The following ZFAND4 variants were observed in gnomAD, a reference collection of about 807,000 sequenced individuals.
The protein encoded by ZFAND4 is AN1-type zinc finger protein 4.
A neutral mutation model predicts 64.4 loss-of-function variants in ZFAND4; 43 were observed. That is an observed-to-expected ratio of 0.67 (90% CI 0.52 to 0.86). ZFAND4 has a LOEUF of 0.86. Ranked by LOEUF, ZFAND4 falls within the 40% of genes least tolerant of loss-of-function variation. ZFAND4 has a pLI of 0.00. For synonymous variants in ZFAND4, 296 were observed against 305.7 expected (o/e 0.97, Z 0.33); for missense variants, 929 against 859.8 (o/e 1.08, Z -1.01).
chr10:45,635,859 T>G (rs1012538665), intron 6 of ZFAND4, among the ~76,000 whole-genome samples: 1 of 152,202 alleles, frequency 6.6e-6, no homozygotes, highest in Non-Finnish European at 1.5e-5. Flanking sequence ...CTTAAGATGG[T>G]TAAGATAATT....
Position 45,627,052 on chromosome 10 carries a change from AG to A in ZFAND4, c.770del (p.Ser257LeufsTer13). 6.3e-7 allele frequency: 1 copy of A among 1,590,272 alleles called. No individual in the cohort carries two copies. Among genetic ancestry groups the A allele is most frequent in the Non-Finnish European group, 8.6e-7 (1 of 1,167,128 alleles). On this transcript the variant is annotated frameshift_variant, in exon 7 of 10. Coordinates refer to ENST00000344646, the MANE Select transcript of ZFAND4 (RefSeq NM_174890.4). LOFTEE classifies it high-confidence loss of function. ...KPHPPVAPRP[S>X]SGSTAPSRHR... is the part of the protein sequence containing the mutation. ...GGCGAGATGGTGCAGTGGAACCACT[AG>A]AAGGTCGAGGAGCTACAGGTGGGTG...
Position 45,639,669 on chromosome 10 carries a change from C to T in ZFAND4, c.717+147G>A, listed in dbSNP as rs546316087. The T allele has an allele frequency of 2.0e-4, 201 of 983,966 alleles. No homozygotes were observed. In the African/African-American group the frequency reaches 3.0e-3, roughly 15 times the overall value. 61.0% of individuals were successfully genotyped at this position (983,966 alleles called of 1,614,324 possible). ...CTAATCCAAAAAATCCAATTTATCC[C>T]TTTTAGAAGTTTAATAAATAACTGA... On this transcript the variant is annotated intron_variant, in intron 6 of 9. Transcript: ENST00000344646.
chr10:45,639,860 T>C lies in ZFAND4; in HGVS notation c.673A>G (p.Lys225Glu). The C allele has an allele frequency of 6.2e-7, 1 of 1,613,030 alleles. No individual in the cohort carries two copies. Among genetic ancestry groups the C allele is most frequent in the Non-Finnish European group, 8.5e-7 (1 of 1,179,784 alleles). ...IENSITMNKM[K>E]LLKAKMKNMN... is the part of the protein sequence containing the mutation. ...TTCTTCATCTTAGCCTTCAGCAGCTTCATCTTATTCATAGTTATTGAATTT... is the reference window on the plus strand; with the variant it reads ...TTCTTCATCTTAGCCTTCAGCAGCTCCATCTTATTCATAGTTATTGAATTT... The change falls in exon 6 of 10, where the codon AAG becomes GAG. Residue 225 changes from lysine to glutamate, a missense_variant. Coordinates refer to ENST00000344646, the MANE Select transcript of ZFAND4 (RefSeq NM_174890.4).
At position 45,618,129 on chromosome 10, in the gene ZFAND4, C is replaced by T. The variant is rs1028777985; in HGVS notation, c.2048+11G>A. 6 of 1,603,178 alleles carry T rather than the reference C, an allele frequency of 3.7e-6. No homozygotes were observed. The highest frequency in any genetic ancestry group is 1.7e-4 in the Middle Eastern group (1 of 6,056). Reference sequence around the variant, plus strand: ...AGAAAGCATCTGAGCTTCTCCAGCTCGCCAACCTGCCTGCATTCGTAGCTA... The same window carrying T: ...AGAAAGCATCTGAGCTTCTCCAGCTTGCCAACCTGCCTGCATTCGTAGCTA... On this transcript the variant is annotated intron_variant, in intron 9 of 9. Transcript: ENST00000344646.
intron 1 of ZFAND4, among the ~76,000 whole-genome samples, chr10:45,668,878 C>G (rs911246988): frequency 6.6e-6 from 1 of 152,200 alleles, no homozygotes; most frequent in Non-Finnish European, 1.5e-5. Flanking sequence ...GCACCAGAAT[C>G]TCTGGGACAC....
At chr10:45,624,184 C>G (rs933765640) in intron 8 of ZFAND4, among the ~76,000 whole-genome samples, 9 of 152,108 alleles carry the variant, frequency 5.9e-5, no homozygotes, top group African/African-American at 2.2e-4. Context: ...ACTAGTTCAT[C>G]AAAAAGAGAT....
chr10:45,639,551 G>C (rs1380290258), intron 6 of ZFAND4, among the ~76,000 whole-genome samples: 1 of 152,160 alleles, frequency 6.6e-6, no homozygotes, highest in African/African-American at 2.4e-5. Context: ...ATTATTGCCA[G>C]ATTAAGATTA....
rs2133856496 is a variant in ZFAND4 at position 45,663,624 on chromosome 10, T to C, written c.102A>G (p.Thr34=). The change falls in exon 2 of 10, where the codon ACA becomes ACG. Residue 34 remains threonine, a synonymous_variant. Coordinates refer to ENST00000344646, the MANE Select transcript of ZFAND4 (RefSeq NM_174890.4). ...TCAGCTCAAAACATGTTCCAGTTAA[T>C]GTTTCAATGAAGAGCTCCATGGTAT... ...FCDTMELFIE[T]LTGTCFELRV... The C allele has an allele frequency of 1.2e-6, 2 of 1,611,676 alleles. No individual in the cohort carries two copies. The highest frequency in any genetic ancestry group is 4.5e-5 in the East Asian group (2 of 44,720).
At chr10:45,640,012 T>C (rs1167947999) in intron 5 of ZFAND4, 49 bp from the exon 6 acceptor site, 1 of 1,558,078 alleles carries the variant, frequency 6.4e-7, no homozygotes, top group Admixed American at 2.0e-5. Flanking sequence ...ACCTGCTCAG[T>C]GACTAAAAAT....
intron 1 of ZFAND4, among the ~76,000 whole-genome samples, chr10:45,671,287 C>A (rs1042355728): frequency 2.6e-5 from 4 of 152,188 alleles, no homozygotes; most frequent in African/African-American, 9.7e-5. Context: ...CCTCAAGGAT[C>A]TAGAACTAGA....
chr10:45,660,140 C>T (rs1415388175), intron 2 of ZFAND4, among the ~76,000 whole-genome samples: 8 of 137,704 alleles, frequency 5.8e-5, no homozygotes, highest in Admixed American at 4.1e-4. Context: ...TCAGCATGGG[C>T]GACAGAGCGA....
At chr10:45,671,381 G>C (rs538107229) in intron 1 of ZFAND4, among the ~76,000 whole-genome samples, 3 of 152,174 alleles carry the variant, frequency 2.0e-5, no homozygotes, top group African/African-American at 7.2e-5. Flanking sequence ...ACATGCACAC[G>C]TATGTTTACT....
At chr10:45,631,174 T>C (rs140706504) in intron 6 of ZFAND4, among the ~76,000 whole-genome samples, 9,028 of 151,018 alleles carry the variant, frequency 0.06, 396 homozygotes, top group African/African-American at 0.12. Flanking sequence ...AAAAATTAGC[T>C]GGGTGTGGTG....
At chr10:45,653,848 T>C (rs1258724785) in intron 2 of ZFAND4, among the ~76,000 whole-genome samples, 2 of 152,012 alleles carry the variant, frequency 1.3e-5, no homozygotes, top group African/African-American at 2.4e-5. Context: ...AATCACTCTA[T>C]CAAAAAGACA....
chr10:45,621,394 A>G (rs1214491223), intron 8 of ZFAND4, among the ~76,000 whole-genome samples: 2 of 151,202 alleles, frequency 1.3e-5, no homozygotes, highest in Admixed American at 1.3e-4. Flanking sequence ...AAAAAAGCAT[A>G]TATCTGGGGA....
At position 45,626,700 on chromosome 10, in the gene ZFAND4, G is replaced by C; in HGVS notation, c.1123C>G (p.Pro375Ala). ...AAGACAATGTTCCCATTACTAGATG[G>C]CAAGTTTCCTAAAAAATGTTTTGTT... ...RQTKHFLGNL[P>A]SSNGNIVLPS... Residue 375 changes from proline (P) to alanine (A), a missense_variant, in exon 7 of 10, where the codon CCA becomes GCA. Coordinates refer to ENST00000344646, the MANE Select transcript of ZFAND4 (RefSeq NM_174890.4). The C allele has an allele frequency of 6.2e-7, 1 of 1,614,198 alleles. No homozygotes were observed. Among genetic ancestry groups the C allele is most frequent in the Non-Finnish European group, 8.5e-7 (1 of 1,180,034 alleles).
chr10:45,663,598 C>G lies in ZFAND4; in HGVS notation c.128G>C (p.Arg43Thr), dbSNP rs778222723. The change falls in exon 2 of 10, where the codon AGA becomes ACA. Residue 43 changes from arginine (R) to threonine (T), a missense_variant. Arg to Thr is a moderately conservative substitution (Grantham distance 71, BLOSUM62 -1). Transcript: ENST00000344646. ...AATAACAGTTTCAAAAGGTGAAACT[C>G]TCAGCTCAAAACATGTTCCAGTTAA... ...ETLTGTCFELRVSPFETVISV... is the reference protein window; with the variant it reads ...ETLTGTCFELTVSPFETVISV... The G allele has an allele frequency of 3.7e-6, 6 of 1,609,400 alleles. No individual in the cohort carries two copies. In the Admixed American group the frequency reaches 8.5e-5, roughly 23 times the overall value.
At position 45,629,541 on chromosome 10, in the gene ZFAND4, T is replaced by C. The variant is rs138201506; in HGVS notation, c.718-2436A>G. Among the ~76,000 whole-genome samples the C allele has an allele frequency of 2.4e-3, 359 of 152,218 alleles. 1 individual carries two copies. The highest frequency in any genetic ancestry group is 3.8e-3 in the Non-Finnish European group (261 of 68,008). ...GTAGTGAATCACAAATCAGAAAACA[T>C]ACTGACACTGCCCTCCAATAAGAGT... On this transcript the variant is annotated intron_variant, in intron 6 of 9. Coordinates refer to ENST00000344646, the MANE Select transcript of ZFAND4 (RefSeq NM_174890.4).
chr10:45,665,046 T>C (rs1324193114), intron 1 of ZFAND4, among the ~76,000 whole-genome samples: 1 of 152,176 alleles, frequency 6.6e-6, no homozygotes, highest in Non-Finnish European at 1.5e-5. Flanking sequence ...CTCACATACA[T>C]ACAATGGCTA....
Sources: gnomAD v4.1 joint callset for allele counts (sites outside exome capture counted in the v4.1 genomes callset) on GRCh38, gnomAD v4.1.1 for gene constraint, MANE v1.5 for transcripts, NCBI Gene and HGNC (gene_info 2026-07-23, HGNC 2026-07-21) for gene names.